Variants in KRT73 observed in about 807,000 individuals in gnomAD.
The protein encoded by KRT73 is keratin 73.
In KRT73, 44 loss-of-function variants were observed where a neutral mutation model predicts 47.2. The ratio of observed to expected loss-of-function variants is 0.93; its 90% CI spans 0.73 to 1.20. The LOEUF (loss-of-function observed/expected upper bound fraction) is 1.20, where lower values mean the gene tolerates loss of function less well. Ranked by LOEUF, KRT73 falls within the 50% of genes most tolerant of loss-of-function variation. The probability of loss-of-function intolerance (pLI) is 0.00; values close to 1 mark genes in which losing one functional copy is unlikely to be tolerated. For missense variants in KRT73, 713 were observed against 704.5 expected (o/e 1.01, Z -0.14); for synonymous variants, 285 against 291.3 (o/e 0.98, Z 0.22).
rs1322788631 is a variant in KRT73 at position 52,610,821 on chromosome 12, C to A, written c.1125G>T (p.Glu375Asp). 6.2e-7 allele frequency: 1 copy of A among 1,612,082 alleles called. No individual in the cohort carries two copies. Among genetic ancestry groups the A allele is most frequent in the Non-Finnish European group, 8.5e-7 (1 of 1,179,936 alleles). The change falls in exon 7 of 9, where the codon GAG (glutamate) becomes GAT (aspartate). Residue 375 changes from glutamate to aspartate, a missense_variant. Transcript: ENST00000305748. ...GCTGCTCGGCGTCAGCGATGGCCGT[C>A]TCCAGGTTGGCACACTGGGGTCAGG... ...ESVKKQCANL[E>D]TAIADAEQRG...
intron 5 of KRT73, 177 bp downstream of exon 5, chr12:52,613,511 A>C (rs145444169): frequency 3.9e-4 from 479 of 1,225,526 alleles, no homozygotes; most frequent in Middle Eastern, 3.5e-3. Context: ...TGTTGATCTA[A>C]GTGGGTGCCA....
At position 52,610,759 on chromosome 12, in the gene KRT73, A is replaced by G. The variant is rs747581795; in HGVS notation, c.1187T>C (p.Leu396Pro). 14 of 1,613,878 alleles carry G rather than the reference A, an allele frequency of 8.7e-6. No homozygotes were observed. Among genetic ancestry groups the G allele is most frequent in the Non-Finnish European group, 1.2e-5 (14 of 1,179,994 alleles). ...DCALKDARAK[L>P]DELEGALQQA... Reference sequence around the variant, plus strand: ...CTGCAGGGCGCCCTCCAGCTCATCCAGCTTGGCCCTGGCATCCTTGAGGGC... The same window carrying G: ...CTGCAGGGCGCCCTCCAGCTCATCCGGCTTGGCCCTGGCATCCTTGAGGGC... The change falls in exon 7 of 9, where the codon CTG becomes CCG. Residue 396 changes from leucine (L) to proline (P), a missense_variant. Physicochemically the swap from Leu to Pro is moderately conservative, Grantham distance 98. Coordinates refer to ENST00000305748, the MANE Select transcript of KRT73 (RefSeq NM_175068.3).
Position 52,608,829 on chromosome 12 carries a change from T to A in KRT73, c.1367-377A>T, listed in dbSNP as rs894325917. Among the ~76,000 whole-genome samples, 3 of 152,196 alleles carry A rather than the reference T, an allele frequency of 2.0e-5. No individual in the cohort carries two copies. In the East Asian group the frequency reaches 5.8e-4, roughly 29 times the overall value. On this transcript the variant is annotated intron_variant, in intron 8 of 8. Transcript: ENST00000305748. ...TAGGGAGTTTCTGCTGGTCCCACTA[T>A]AAGAAAGAGACTGCCAAACCCTGTG...
At chr12:52,622,674 C>CT (rs1940923546), upstream of KRT73, among the ~76,000 whole-genome samples, 1 of 152,346 alleles carries the variant, frequency 6.6e-6, no homozygotes, top group African/African-American at 2.4e-5. Flanking sequence ...CCTTCCGCTC[C>CT]TTGCTGCCTG....
intron 5 of KRT73, among the ~76,000 whole-genome samples, chr12:52,612,102 A>C (rs191778767): frequency 6.6e-6 from 1 of 152,344 alleles, no homozygotes; most frequent in African/African-American, 2.4e-5. Context: ...TGAATGAATG[A>C]GTGAGCCAAT....
the KRT73 span, among the ~76,000 whole-genome samples, chr12:52,629,409 C>T: frequency 6.6e-6 from 1 of 150,600 alleles, no homozygotes. Flanking sequence ...CCCCTTCCCC[C>T]ACGTGGATGC....
In KRT73 at chr12:52,608,220, T is replaced by C; in HGVS notation, c.1599A>G (p.Ser533=). The C allele has an allele frequency of 6.2e-7, 1 of 1,612,682 alleles. No individual in the cohort carries two copies. The highest frequency in any genetic ancestry group is 8.5e-7 in the Non-Finnish European group (1 of 1,179,304). ...TTTATCTCATGGTTTTTTTGGTGGG[T>C]GAGCTTAGAGCTAAGGTCTTTCCCT... ...DSQGKTLALS[S]PTKKTMR The change falls in exon 9 of 9, where the codon TCA becomes TCG. Residue 533 remains serine, a synonymous_variant. Transcript: ENST00000305748.
the KRT73 span, among the ~76,000 whole-genome samples, chr12:52,629,503 G>C: frequency 1.3e-5 from 2 of 152,196 alleles, no homozygotes; most frequent in Non-Finnish European, 2.9e-5. Context: ...GACAAATAGT[G>C]ACCTGCCCAA....
intron 4 of KRT73, 27 bp downstream of exon 4, chr12:52,614,552 C>A: frequency 6.3e-7 from 1 of 1,587,644 alleles, no homozygotes; most frequent in South Asian, 1.1e-5. Context: ...GAAGACAGAG[C>A]CAGAGGTGGG....
chr12:52,627,311 T>A, the KRT73 span, among the ~76,000 whole-genome samples: 1 of 152,216 alleles, frequency 6.6e-6, no homozygotes, highest in African/African-American at 2.4e-5. Flanking sequence ...GAAGTCTTGA[T>A]CACCCTTTTG....
rs773161478 is a variant in KRT73 at position 52,616,191 on chromosome 12, C to T, written c.637G>A (p.Glu213Lys). ...CTCTTCTTGTAGTCCTCCACCACTT[C>T]GCGCACGCTCCTCAGCTCCGAGTCC... The part of the protein sequence containing the change: ...RLDSELRSVR[E>K]VVEDYKKRYE... The change falls in exon 2 of 9, where the codon GAA (glutamate) becomes AAA (lysine). Residue 213 changes from glutamate (E) to lysine (K), a missense_variant. Physicochemically the swap from Glu to Lys is moderately conservative, Grantham distance 56 (BLOSUM62 1). Coordinates refer to ENST00000305748, the MANE Select transcript of KRT73 (RefSeq NM_175068.3). The T allele has an allele frequency of 1.4e-5, 22 of 1,614,000 alleles. No homozygotes were observed. Among genetic ancestry groups the T allele is most frequent in the Admixed American group, 8.3e-5 (5 of 59,998 alleles).
Position 52,617,933 on chromosome 12 carries a change from T to C in KRT73, c.447+145A>G, listed in dbSNP as rs565369047. ...TTATGGGCCCAGCACCTGGGGAGCTTTCAAGTTGTTTACCTGGTGTCTGAT... is the reference window on the plus strand; with the variant it reads ...TTATGGGCCCAGCACCTGGGGAGCTCTCAAGTTGTTTACCTGGTGTCTGAT... On this transcript the variant is annotated intron_variant, in intron 1 of 8. Coordinates refer to ENST00000305748, the MANE Select transcript of KRT73 (RefSeq NM_175068.3). 9 of 906,340 alleles carry C rather than the reference T, an allele frequency of 9.9e-6. No homozygotes were observed. In the East Asian group the frequency reaches 2.0e-4, roughly 20 times the overall value. The allele number at this position is 906,340 out of a possible 1,614,324, so 56.1% of individuals were successfully genotyped here.
chr12:52,611,250 C>T lies in KRT73; in HGVS notation c.1064G>A (p.Arg355His), dbSNP rs750485971. 8.1e-6 allele frequency: 13 copies of T among 1,614,170 alleles called. No individual in the cohort carries two copies. The highest frequency in any genetic ancestry group is 6.7e-5 in the East Asian group (3 of 44,878). ...HTKNEISELT[R>H]LIQRLRSEIE... is the part of the protein sequence containing the mutation. ...CTCCGAGCGCAGTCTTTGGATGAGACGGGTCAGCTCTGAGATCTCATTTTT... is the reference window on the plus strand; with the variant it reads ...CTCCGAGCGCAGTCTTTGGATGAGATGGGTCAGCTCTGAGATCTCATTTTT... Residue 355 changes from arginine (R) to histidine (H), a missense_variant, in exon 6 of 9, where the codon CGT becomes CAT. By Grantham distance (29) the Arg-to-His change is conservative. Transcript: ENST00000305748.
Position 52,618,474 on chromosome 12 carries a change from G to T in KRT73, c.51C>A (p.Phe17Leu). The change falls in exon 1 of 9, where the codon TTC (phenylalanine) becomes TTA (leucine). Residue 17 changes from phenylalanine to leucine, a missense_variant. Physicochemically the swap from Phe to Leu is conservative, Grantham distance 22. Coordinates refer to ENST00000305748, the MANE Select transcript of KRT73 (RefSeq NM_175068.3). ...YKSGAAAKGG[F>L]SGCSAVLSGG... is the part of the protein sequence containing the mutation. Reference sequence around the variant, plus strand: ...CTGAGAGCACAGCGGAGCAGCCGCTGAAGCCCCCCTTGGCAGCAGCTCCCG... The same window carrying T: ...CTGAGAGCACAGCGGAGCAGCCGCTTAAGCCCCCCTTGGCAGCAGCTCCCG... 1.9e-6 allele frequency: 3 copies of T among 1,612,776 alleles called. No individual in the cohort carries two copies. Among genetic ancestry groups the T allele is most frequent in the Non-Finnish European group, 2.5e-6 (3 of 1,179,332 alleles).
chr12:52,611,966 A>G (rs1287450635), intron 5 of KRT73, among the ~76,000 whole-genome samples: 1 of 152,210 alleles, frequency 6.6e-6, no homozygotes, highest in African/African-American at 2.4e-5. Flanking sequence ...ACTGTAGTGT[A>G]TTGTGAACCT....
chr12:52,614,559 T>C lies in KRT73; in HGVS notation c.819+20A>G. Reference sequence around the variant, plus strand: ...TCCTTCCAGAAGACAGAGCCAGAGGTGGGGCAGGGGGAGCCTTACCCCCTC... The same window carrying C: ...TCCTTCCAGAAGACAGAGCCAGAGGCGGGGCAGGGGGAGCCTTACCCCCTC... On this transcript the variant is annotated intron_variant, in intron 4 of 8. Transcript: ENST00000305748. The C allele has an allele frequency of 6.3e-7, 1 of 1,598,926 alleles. No individual in the cohort carries two copies. The highest frequency in any genetic ancestry group is 8.6e-7 in the Non-Finnish European group (1 of 1,169,194).
chr12:52,627,377 C>T, the KRT73 span, among the ~76,000 whole-genome samples: 2 of 152,182 alleles, frequency 1.3e-5, no homozygotes, highest in Non-Finnish European at 2.9e-5. Context: ...ATGCATGCTG[C>T]CTCTTCAGAA....
chr12:52,609,226 T>C (rs778737127), intron 8 of KRT73, 21 bp downstream of exon 8: 2 of 1,610,064 alleles, frequency 1.2e-6, no homozygotes, highest in Non-Finnish European at 1.7e-6. Flanking sequence ...AAGTATTCCC[T>C]CAGAGTCATG....
chr12:52,612,400 C>T (rs1940720901), intron 5 of KRT73: 1 of 152,248 alleles, frequency 6.6e-6, no homozygotes, highest in Non-Finnish European at 1.5e-5. Flanking sequence ...AAAACAGGGA[C>T]CCTTCAGCAC....
Sources: gnomAD v4.1 joint callset for allele counts (sites outside exome capture counted in the v4.1 genomes callset) on GRCh38, gnomAD v4.1.1 for gene constraint, MANE v1.5 for transcripts, NCBI Gene and HGNC (gene_info 2026-07-23, HGNC 2026-07-21) for gene names.